The following GHR variants were observed in gnomAD, a reference collection of about 807,000 sequenced individuals.
The protein encoded by GHR is growth hormone receptor.
In GHR, 35 loss-of-function variants were observed where a neutral mutation model predicts 67.1. The ratio of observed to expected loss-of-function variants is 0.52; its 90% CI spans 0.40 to 0.69. The LOEUF (loss-of-function observed/expected upper bound fraction) is 0.69. GHR is among the 30% of genes least tolerant of loss of function. GHR has a pLI of 0.00. For synonymous variants in GHR, 272 were observed against 269.1 expected (o/e 1.01, Z -0.10); for missense variants, 792 against 764.6 (o/e 1.04, Z -0.42).
chr5:42,607,039 G>C (rs1402245262), intron 2 of GHR, among the ~76,000 whole-genome samples: 1 of 152,144 alleles, frequency 6.6e-6, no homozygotes, highest in Non-Finnish European at 1.5e-5. Context: ...ATGATAGTGA[G>C]TGAGCTCTCA....
At chr5:42,530,598 A>G (rs1327855058) in intron 1 of GHR, among the ~76,000 whole-genome samples, 2 of 152,170 alleles carry the variant, frequency 1.3e-5, no homozygotes, top group African/African-American at 4.8e-5. Context: ...CTTTCAGGGG[A>G]AATACAAGTA....
At chr5:42,640,170 C>A (rs937544067) in intron 3 of GHR, among the ~76,000 whole-genome samples, 2 of 152,088 alleles carry the variant, frequency 1.3e-5, no homozygotes, top group African/African-American at 4.8e-5. Flanking sequence ...TTATTCTTAT[C>A]AGTGGTTGTG....
intron 1 of GHR, among the ~76,000 whole-genome samples, chr5:42,455,008 A>G (rs767238563): frequency 3.3e-5 from 5 of 152,104 alleles, no homozygotes; most frequent in African/African-American, 7.2e-5. Context: ...CCTGTGAGAT[A>G]TAGTCAGGCA....
chr5:42,505,518 C>T (rs997337136), intron 1 of GHR, among the ~76,000 whole-genome samples: 2 of 151,736 alleles, frequency 1.3e-5, no homozygotes, highest in African/African-American at 4.8e-5. Flanking sequence ...AAAGATAAGA[C>T]TTCAATCAGT....
intron 2 of GHR, among the ~76,000 whole-genome samples, chr5:42,591,252 G>A (rs1014138641): frequency 2.6e-5 from 4 of 152,198 alleles, no homozygotes; most frequent in Non-Finnish European, 4.4e-5. Context: ...CAGAAATGGG[G>A]CAGACGCTTT....
At position 42,485,273 on chromosome 5, in the gene GHR, T is replaced by G. The variant is rs567976081; in HGVS notation, c.-12+61318T>G. Among the ~76,000 whole-genome samples, 16 of 152,340 alleles carry G rather than the reference T, an allele frequency of 1.1e-4. No homozygotes were observed. The South Asian group carries it at 3.1e-3, about 30-fold the overall frequency. On this transcript the variant is annotated intron_variant, in intron 1 of 9. Transcript: ENST00000230882. ...CTATGGTCTTCCATCCGGTAAATTT[T>G]CTCTCACCCTTCCTGGTCTAGCTCT...
At chr5:42,497,865 G>A (rs1746384592) in intron 1 of GHR, among the ~76,000 whole-genome samples, 1 of 152,164 alleles carries the variant, frequency 6.6e-6, no homozygotes, top group South Asian at 2.1e-4. Context: ...ATAGGTATCA[G>A]AATAATGTGG....
intron 1 of GHR, among the ~76,000 whole-genome samples, chr5:42,444,612 G>T (rs902200703): frequency 6.6e-6 from 1 of 152,082 alleles, no homozygotes; most frequent in Non-Finnish European, 1.5e-5. Flanking sequence ...CCAGTATTCA[G>T]AATCCTATAT....
chr5:42,596,651 G>A (rs1752086390), intron 2 of GHR, among the ~76,000 whole-genome samples: 1 of 152,198 alleles, frequency 6.6e-6, no homozygotes, highest in South Asian at 2.1e-4. Context: ...AAACTTGCCA[G>A]TTCAGTGTTT....
chr5:42,441,792 A>T (rs904067327), intron 1 of GHR, among the ~76,000 whole-genome samples: 6 of 152,288 alleles, frequency 3.9e-5, no homozygotes, highest in African/African-American at 1.2e-4. Flanking sequence ...TACAGGTGTG[A>T]GCCACCACTC....
chr5:42,672,177 A>C (rs986595138), intron 3 of GHR, among the ~76,000 whole-genome samples: 1 of 152,168 alleles, frequency 6.6e-6, no homozygotes, highest in Non-Finnish European at 1.5e-5. Flanking sequence ...AAAAGACATC[A>C]AAATAGAAAA....
chr5:42,560,798 C>T (rs921219011), intron 1 of GHR, among the ~76,000 whole-genome samples: 1 of 152,224 alleles, frequency 6.6e-6, no homozygotes, highest in African/African-American at 2.4e-5. Context: ...AGCACTATCT[C>T]TCATCCACAC....
intron 2 of GHR, among the ~76,000 whole-genome samples, chr5:42,617,241 T>TA (rs879356349): frequency 0.01 from 1,461 of 143,052 alleles, 8 homozygotes; most frequent in African/African-American, 0.019. Flanking sequence ...CTCATTCCCT[T>TA]AAAAAAAAAA....
chr5:42,526,952 C>A (rs1747731004), intron 1 of GHR, among the ~76,000 whole-genome samples: 1 of 152,148 alleles, frequency 6.6e-6, no homozygotes, highest in Non-Finnish European at 1.5e-5. Flanking sequence ...AGAAACAAAT[C>A]TTCAACCAAG....
chr5:42,627,306 T>C lies in GHR; in HGVS notation c.71-1732T>C, dbSNP rs529436073. Among the ~76,000 whole-genome samples, 13 of 152,346 alleles carry C rather than the reference T, an allele frequency of 8.5e-5. No individual in the cohort carries two copies. The South Asian group carries it at 2.7e-3, about 32-fold the overall frequency. Reference sequence around the variant, plus strand: ...CTCAAATAATGTAGGAAATCTTTTTTTAAAAAATTGTTCCCTACTGTGTCT... The same window carrying C: ...CTCAAATAATGTAGGAAATCTTTTTCTAAAAAATTGTTCCCTACTGTGTCT... On this transcript the variant is annotated intron_variant, in intron 2 of 9. Transcript: ENST00000230882.
intron 3 of GHR, among the ~76,000 whole-genome samples, chr5:42,639,029 G>A (rs1754340383): frequency 6.6e-6 from 1 of 152,096 alleles, no homozygotes; most frequent in Non-Finnish European, 1.5e-5. Context: ...CAATGTATCG[G>A]CTAATCAATG....
At chr5:42,491,181 A>G (rs1303850880) in intron 1 of GHR, among the ~76,000 whole-genome samples, 1 of 152,236 alleles carries the variant, frequency 6.6e-6, no homozygotes, top group East Asian at 1.9e-4. Flanking sequence ...TGCTTTGTGT[A>G]TATCTGCAGA....
At chr5:42,653,616 C>A (rs188715323) in intron 3 of GHR, among the ~76,000 whole-genome samples, 3 of 152,260 alleles carry the variant, frequency 2.0e-5, no homozygotes, top group Admixed American at 1.3e-4. Flanking sequence ...AATAAAGTTA[C>A]ATTAATAATT....
Position 42,719,414 on chromosome 5 carries a change from T to C in GHR, c.1907T>C (p.Ile636Thr), listed in dbSNP as rs1435184307. The C allele has an allele frequency of 6.2e-7, 1 of 1,612,884 alleles. No individual in the cohort carries two copies. The highest frequency in any genetic ancestry group is 8.5e-7 in the Non-Finnish European group (1 of 1,179,934). The change falls in exon 10 of 10, where the codon ATC becomes ACC. Residue 636 changes from isoleucine to threonine, a missense_variant. Coordinates refer to ENST00000230882, the MANE Select transcript of GHR (RefSeq NM_000163.5). Reference protein sequence around the residue: ...GYVSTDQLNKIMP With the variant: ...GYVSTDQLNKTMP ...GTGAGCACAGACCAACTGAACAAAA[T>C]CATGCCTTAGCCTTTCTTTGGTTTC...
Sources: gnomAD v4.1 joint callset for allele counts (sites outside exome capture counted in the v4.1 genomes callset) on GRCh38, gnomAD v4.1.1 for gene constraint, MANE v1.5 for transcripts, NCBI Gene and HGNC (gene_info 2026-07-23, HGNC 2026-07-21) for gene names.